VAV2: variants seen among roughly 807,000 people sequenced by gnomAD.
The protein encoded by VAV2 is vav guanine nucleotide exchange factor 2.
In VAV2, 67 loss-of-function variants were observed where a neutral mutation model predicts 132.5. The ratio of observed to expected loss-of-function variants is 0.51; its 90% CI spans 0.42 to 0.62. The LOEUF is 0.62. Among genes scored for constraint, VAV2 ranks in the 20% least tolerant of loss-of-function variants. The probability of loss-of-function intolerance (pLI) is 0.00; values close to 1 mark genes in which losing one functional copy is unlikely to be tolerated. For synonymous variants in VAV2, 492 were observed against 443.5 expected (o/e 1.11, Z -1.37); for missense variants, 938 against 1,153.6 (o/e 0.81, Z 2.71).
intron 2 of VAV2, among the ~76,000 whole-genome samples, chr9:133,904,528 C>G (rs1216470258): frequency 1.3e-5 from 2 of 152,242 alleles, no homozygotes; most frequent in African/African-American, 4.8e-5. Flanking sequence ...GGAAAGCAGC[C>G]CCTGCAACAA....
At chr9:133,909,912 G>A (rs1411345429) in intron 2 of VAV2, among the ~76,000 whole-genome samples, 1 of 152,182 alleles carries the variant, frequency 6.6e-6, no homozygotes, top group African/African-American at 2.4e-5. Flanking sequence ...GCTGCTCACA[G>A]GGCAAGGGCA....
At chr9:133,770,338 T>C in intron 27 of VAV2, 40 bp downstream of exon 27, 1 of 1,612,154 alleles carries the variant, frequency 6.2e-7, no homozygotes, top group Non-Finnish European at 8.5e-7. Context: ...GGCAGACCCC[T>C]CCGAGGAGTG....
chr9:133,832,341 G>A (rs1346696360), intron 4 of VAV2, among the ~76,000 whole-genome samples: 6 of 152,168 alleles, frequency 3.9e-5, no homozygotes, highest in Non-Finnish European at 7.4e-5. Flanking sequence ...GGGTACAGGG[G>A]GGTATGTTCC....
chr9:133,762,273 G>T lies in VAV2; in HGVS notation c.*1789C>A, dbSNP rs1437899787. ...TCTCAGTGTCCTTCGTGATCATGAT[G>T]ACTTATTTGTCAACAAACTAAAATA... is the stretch of plus-strand genomic sequence containing the variant. On this transcript the variant is annotated 3_prime_UTR_variant, in exon 30 of 30. Coordinates refer to ENST00000371850, the MANE Select transcript of VAV2 (RefSeq NM_001134398.2). The surrounding 1 kb of genome is among the most constrained non-coding windows in gnomAD (Gnocchi z 5.0). 6.6e-6 allele frequency: 1 copy of T among 152,572 alleles called. No individual in the cohort carries two copies. The highest frequency in any genetic ancestry group is 1.5e-5 in the Non-Finnish European group (1 of 68,034). The allele number at this position is 152,572 out of a possible 1,614,324, so 9.5% of individuals were successfully genotyped here.
At chr9:133,933,440 G>T (rs1840755042) in intron 2 of VAV2, among the ~76,000 whole-genome samples, 2 of 150,980 alleles carry the variant, frequency 1.3e-5, no homozygotes, top group African/African-American at 4.9e-5. Flanking sequence ...ATGAATGGTG[G>T]ATGGATGGAT....
At chr9:133,934,964 A>C (rs1840851588) in intron 2 of VAV2, among the ~76,000 whole-genome samples, 1 of 152,212 alleles carries the variant, frequency 6.6e-6, no homozygotes, top group Admixed American at 6.5e-5. Context: ...AAGGAGTAAG[A>C]GAGTCAGCTC....
chr9:133,906,498 G>A (rs1487107320), intron 2 of VAV2, among the ~76,000 whole-genome samples: 1 of 152,172 alleles, frequency 6.6e-6, no homozygotes, highest in African/African-American at 2.4e-5. Context: ...AGCCAGCCAG[G>A]ACCCCCAGCT....
rs146883044 is a variant in VAV2 at position 133,873,198 on chromosome 9, A to T, written c.322-11766T>A. ...GCTGAGTGCCTGCTCTGTGCTGGGC[A>T]TGTGAGGGAAGCTGCAATTTAATCT... is the stretch of plus-strand genomic sequence containing the variant. On this transcript the variant is annotated intron_variant, in intron 2 of 29. Coordinates refer to ENST00000371850, the MANE Select transcript of VAV2 (RefSeq NM_001134398.2). Among the ~76,000 whole-genome samples the T allele has an allele frequency of 2.9e-3, 436 of 152,240 alleles. 2 individuals are homozygous for T. Among genetic ancestry groups the T allele is most frequent in the African/African-American group, 0.01 (424 of 41,520 alleles).
In VAV2 at chr9:133,879,272, C is replaced by T. The variant is rs960658378; in HGVS notation, c.322-17840G>A. On this transcript the variant is annotated intron_variant, in intron 2 of 29. Transcript: ENST00000371850. The surrounding 1 kb of genome is among the most constrained non-coding windows in gnomAD (Gnocchi z 4.4). Reference sequence around the variant, plus strand: ...TTGAGCAGCTGCTGCGTACCAAGCACTGTGCTAGGGTGACCTCTGGAGCTC... The same window carrying T: ...TTGAGCAGCTGCTGCGTACCAAGCATTGTGCTAGGGTGACCTCTGGAGCTC... 2.0e-5 allele frequency among the ~76,000 whole-genome samples: 3 copies of T among 152,138 alleles called. No individual in the cohort carries two copies. The highest frequency in any genetic ancestry group is 4.4e-5 in the Non-Finnish European group (3 of 68,010).
chr9:133,814,536 C>T (rs1010454330), intron 4 of VAV2, among the ~76,000 whole-genome samples: 5 of 152,236 alleles, frequency 3.3e-5, no homozygotes, highest in Admixed American at 6.5e-5. Flanking sequence ...TAGAGACAGA[C>T]GTCAGCTTTT....
chr9:133,931,069 A>G (rs148954640), intron 2 of VAV2, among the ~76,000 whole-genome samples: 2,413 of 152,328 alleles, frequency 0.016, 22 homozygotes, highest in Middle Eastern at 0.024. Flanking sequence ...AGTGAAGTGC[A>G]CTGCCCAGCC....
intron 2 of VAV2, among the ~76,000 whole-genome samples, chr9:133,924,483 C>A (rs1400247253): frequency 6.6e-6 from 1 of 152,182 alleles, no homozygotes; most frequent in Non-Finnish European, 1.5e-5. Context: ...CACCACAGCG[C>A]CTGGCCCTTA....
chr9:133,786,490 C>T (rs993840318), intron 16 of VAV2, among the ~76,000 whole-genome samples: 5 of 152,178 alleles, frequency 3.3e-5, no homozygotes, highest in African/African-American at 9.7e-5. Context: ...GCATGTTAAG[C>T]GGGGGCAGGA....
rs375085771 is a variant in VAV2 at position 133,884,772 on chromosome 9, G to A, written c.322-23340C>T. Among the ~76,000 whole-genome samples the A allele has an allele frequency of 1.6e-4, 24 of 152,286 alleles. No individual in the cohort carries two copies. Among genetic ancestry groups the A allele is most frequent in the Middle Eastern group, 3.4e-3 (1 of 294 alleles). On this transcript the variant is annotated intron_variant, in intron 2 of 29. Transcript: ENST00000371850. This position sits in a 1 kb window ranked among gnomAD's most constrained non-coding sequence, Gnocchi z 5.3. ...ACACACGGATAAGCTTGACGGCTCCGTGAGAATGCTGGTAGGGAGCAGAAC... is the reference window on the plus strand; with the variant it reads ...ACACACGGATAAGCTTGACGGCTCCATGAGAATGCTGGTAGGGAGCAGAAC...
chr9:133,922,802 A>C (rs1205898646), intron 2 of VAV2, among the ~76,000 whole-genome samples: 1 of 152,212 alleles, frequency 6.6e-6, no homozygotes, highest in Non-Finnish European at 1.5e-5. Context: ...GCAATCATTT[A>C]TTGATATAAC....
At chr9:133,815,301 C>T (rs567438173) in intron 4 of VAV2, among the ~76,000 whole-genome samples, 1 of 152,066 alleles carries the variant, frequency 6.6e-6, no homozygotes, top group East Asian at 1.9e-4. Context: ...GTGAGAAATG[C>T]CAAGCATAGG....
chr9:133,777,345 C>T, intron 23 of VAV2, 44 bp downstream of exon 23: 1 of 1,607,002 alleles, frequency 6.2e-7, no homozygotes, highest in Non-Finnish European at 8.5e-7. Context: ...ACCCTCAGCA[C>T]CCAGGCCACC....
intron 1 of VAV2, among the ~76,000 whole-genome samples, chr9:133,986,152 A>G (rs431791): frequency 0.26 from 39,451 of 152,170 alleles, 6,035 homozygotes; most frequent in Middle Eastern, 0.38. Flanking sequence ...AAATCAAGCA[A>G]ACTCCACCTT....
chr9:133,796,328 A>T, intron 11 of VAV2, 101 bp downstream of exon 11: 1 of 966,330 alleles, frequency 1.0e-6, no homozygotes, highest in Non-Finnish European at 1.5e-6. Flanking sequence ...TATTCAACTT[A>T]ATCTGTCTGT....
Sources: allele counts gnomAD v4.1 joint callset (sites outside exome capture counted in the v4.1 genomes callset), GRCh38; gene constraint gnomAD v4.1.1; non-coding constraint Gnocchi (gnomAD v3.1); transcripts MANE v1.5; gene names NCBI Gene and HGNC (gene_info 2026-07-23, HGNC 2026-07-21).